Variants in CRYM observed in about 807,000 individuals in gnomAD.
The protein encoded by CRYM is crystallin mu.
Under a neutral mutation model 32.9 loss-of-function variants are expected in CRYM, and 18 were observed. The observed-to-expected ratio is 0.55, with a 90% CI of 0.38 to 0.81. The LOEUF is 0.81. Among genes scored for constraint, CRYM ranks in the 30% least tolerant of loss-of-function variants. The probability of loss-of-function intolerance (pLI) is 0.00; values close to 1 mark genes in which losing one functional copy is unlikely to be tolerated. For missense variants in CRYM, 337 were observed against 393.5 expected, an observed-to-expected ratio of 0.86 and a Z score of 1.21; for synonymous variants, 153 against 152.4, an observed-to-expected ratio of 1.00 and a Z score of -0.03.
chr16:21,290,170 C>T (rs188271759), intron 1 of CRYM, among the ~76,000 whole-genome samples: 1 of 152,270 alleles, frequency 6.6e-6, no homozygotes, highest in Admixed American at 6.5e-5. Context: ...CCCTTCCATG[C>T]TGTGGGAACT....
At chr16:21,260,839 T>A (rs1169884547) in intron 7 of CRYM, among the ~76,000 whole-genome samples, 1 of 152,260 alleles carries the variant, frequency 6.6e-6, no homozygotes, top group African/African-American at 2.4e-5. Flanking sequence ...AGGTTGGGTC[T>A]CTGCCATTTC....
chr16:21,276,077 C>T (rs140139031), intron 2 of CRYM, among the ~76,000 whole-genome samples: 1 of 152,204 alleles, frequency 6.6e-6, no homozygotes, highest in Non-Finnish European at 1.5e-5. Context: ...TTAGATTAAC[C>T]CAGTCTGTAT....
chr16:21,281,246 A>G (rs1164466391), upstream of CRYM, among the ~76,000 whole-genome samples: 2 of 149,516 alleles, frequency 1.3e-5, no homozygotes, highest in East Asian at 2.0e-4. Flanking sequence ...ATATATGTGC[A>G]TATATATATA....
chr16:21,266,399 A>T (rs977198589), intron 5 of CRYM, among the ~76,000 whole-genome samples: 1 of 152,144 alleles, frequency 6.6e-6, no homozygotes, highest in African/African-American at 2.4e-5. Flanking sequence ...ATATACAAAG[A>T]ATTATACAAA....
intron 1 of CRYM, among the ~76,000 whole-genome samples, chr16:21,290,604 T>G (rs1010529562): frequency 1.3e-5 from 2 of 152,206 alleles, no homozygotes; most frequent in African/African-American, 4.8e-5. Flanking sequence ...TGCTCAGACT[T>G]ATAATTTCAT....
chr16:21,278,326 C>T, upstream of CRYM: 2 of 1,517,854 alleles, frequency 1.3e-6, no homozygotes, highest in Non-Finnish European at 1.8e-6. Context: ...TTTATGAGCG[C>T]GCCCGCTGCT....
rs1168107678 is a variant in CRYM, at chr16:21,277,106, T to A, written c.324+325A>T. 6.6e-6 allele frequency among the ~76,000 whole-genome samples: 1 copy of A among 152,196 alleles called. No homozygotes were observed. Among genetic ancestry groups the A allele is most frequent in the East Asian group, 1.9e-4 (1 of 5,204 alleles). The stretch of plus-strand genomic sequence containing the variant: ...AAGGATTCAGTAAGTAAGTCTTCCC[T>A]TGGCTAATGGGTTCATTCAAGCTGC... On this transcript the variant is annotated intron_variant, in intron 2 of 7. Transcript: ENST00000572914. The surrounding 1 kb of genome is among the most constrained non-coding windows in gnomAD (Gnocchi z 4.2).
upstream of CRYM, chr16:21,278,568 T>C: frequency 4.3e-6 from 2 of 466,992 alleles, no homozygotes; most frequent in Non-Finnish European, 7.9e-6. Context: ...ATTCCTTGAC[T>C]TTTGCTTCCT....
chr16:21,267,622 A>G lies in CRYM; in HGVS notation c.605T>C (p.Ile202Thr), dbSNP rs145206789. The change falls in exon 5 of 8, where the codon ATC becomes ACC. Residue 202 changes from isoleucine to threonine, a missense_variant. Ile to Thr is a moderately conservative substitution (Grantham distance 89). Coordinates refer to ENST00000572914, the MANE Select transcript of CRYM (RefSeq NM_001376256.1). Reference sequence around the variant, plus strand: ...GGGCTCTGTTGCCAGGGTGACTGTGATGATCACATCTGCACCTGCCACAGC... The same window carrying G: ...GGGCTCTGTTGCCAGGGTGACTGTGGTGATCACATCTGCACCTGCCACAGC... ...QEAVAGADVI[I>T]TVTLATEPIL... 1 of 1,614,128 alleles carries G rather than the reference A, an allele frequency of 6.2e-7. No individual in the cohort carries two copies. Among genetic ancestry groups the G allele is most frequent in the Non-Finnish European group, 8.5e-7 (1 of 1,180,008 alleles).
intron 5 of CRYM, chr16:21,262,425 C>T: frequency 2.6e-6 from 1 of 391,486 alleles, no homozygotes; most frequent in Non-Finnish European, 4.9e-6. Context: ...TGAGACTAGC[C>T]TGGCCAACAT....
At chr16:21,261,447 TA>T (rs5816151) in intron 6 of CRYM, 109 bp from the exon 7 acceptor site, 76,033 of 576,056 alleles carry the variant, frequency 0.13, 1 homozygote, top group Non-Finnish European at 0.15. Context: ...TAAATTTGAT[TA>T]AAAAAAAAAA....
At chr16:21,298,017 A>G (rs1229203163) in intron 1 of CRYM, among the ~76,000 whole-genome samples, 1 of 152,184 alleles carries the variant, frequency 6.6e-6, no homozygotes, top group African/African-American at 2.4e-5. Context: ...TTGATATATC[A>G]TTTTCAGTGT....
upstream of CRYM, among the ~76,000 whole-genome samples, chr16:21,282,388 C>G (rs1038817137): frequency 6.6e-6 from 1 of 151,820 alleles, no homozygotes; most frequent in East Asian, 1.9e-4. Flanking sequence ...GCTGTAACCT[C>G]GTATAAGAAA....
chr16:21,261,180 T>C (rs1035194311), intron 7 of CRYM, 74 bp downstream of exon 7: 7 of 1,110,200 alleles, frequency 6.3e-6, no homozygotes, highest in Non-Finnish European at 9.7e-6. Context: ...TGGTGACTCA[T>C]TGCTCTTTCC....
At chr16:21,300,399 T>A (rs1960881957) in intron 1 of CRYM, 1 of 151,870 alleles carries the variant, frequency 6.6e-6, no homozygotes, top group Non-Finnish European at 1.5e-5. Context: ...AAAGAGCAAT[T>A]TGATTTAGAA....
At chr16:21,263,983 G>A (rs2093359277) in intron 5 of CRYM, among the ~76,000 whole-genome samples, 1 of 152,238 alleles carries the variant, frequency 6.6e-6, no homozygotes, top group Admixed American at 6.5e-5. Context: ...TTGAGTTTTA[G>A]ATTACTCTAT....
chr16:21,268,912 G>A (rs1244988455), intron 4 of CRYM, among the ~76,000 whole-genome samples: 1 of 152,162 alleles, frequency 6.6e-6, no homozygotes. Context: ...GGGAGGACAA[G>A]GCAGGTGGAT....
In CRYM at chr16:21,278,242, C is replaced by G. The variant is rs766675674; in HGVS notation, c.10G>C (p.Val4Leu). 11 of 1,584,648 alleles carry G rather than the reference C, an allele frequency of 6.9e-6. No individual in the cohort carries two copies. The highest frequency in any genetic ancestry group is 8.6e-6 in the Non-Finnish European group (10 of 1,169,000). MSR[V>L]PAFLSAAEVE... Reference sequence around the variant, plus strand: ...TCGGCCGCGCTCAGGAACGCTGGTACCCGGCTCATCTCGCCACCTGTGCCT... The same window carrying G: ...TCGGCCGCGCTCAGGAACGCTGGTAGCCGGCTCATCTCGCCACCTGTGCCT... The change falls in exon 1 of 8, where the codon GTA (valine) becomes CTA (leucine). Residue 4 changes from valine to leucine, a missense_variant. Coordinates refer to ENST00000572914, the MANE Select transcript of CRYM (RefSeq NM_001376256.1).
At chr16:21,263,218 A>G (rs1004321452) in intron 5 of CRYM, among the ~76,000 whole-genome samples, 3 of 152,082 alleles carry the variant, frequency 2.0e-5, no homozygotes, top group African/African-American at 2.4e-5. Context: ...CCTGGCCAAC[A>G]TGGTGAAACC....
Sources: gnomAD v4.1 joint callset for allele counts (sites outside exome capture counted in the v4.1 genomes callset) on GRCh38, gnomAD v4.1.1 for gene constraint, Gnocchi (gnomAD v3.1) non-coding constraint, MANE v1.5 for transcripts, NCBI Gene and HGNC (gene_info 2026-07-23, HGNC 2026-07-21) for gene names.